Variants in ROBO2 observed in about 807,000 individuals in gnomAD.
ROBO2 encodes the protein roundabout homolog 2.
In ROBO2, 53 loss-of-function variants were observed where a neutral mutation model predicts 160.8. That is an observed-to-expected ratio of 0.33 (90% CI 0.26 to 0.41). The LOEUF (loss-of-function observed/expected upper bound fraction) is 0.41. Ranked by LOEUF, ROBO2 falls within the 10% of genes least tolerant of loss-of-function variation. The pLI is 1.00. For synonymous variants in ROBO2, 664 were observed against 611.7 expected (o/e 1.09, Z -1.26); for missense variants, 1,577 against 1,722.4 (o/e 0.92, Z 1.49).
chr3:76,978,603 A>G (rs1331383242), intron 2 of ROBO2, among the ~76,000 whole-genome samples: 1 of 152,166 alleles, frequency 6.6e-6, no homozygotes, highest in African/African-American at 2.4e-5. Context: ...CTTAAAAATG[A>G]AAGCAGTATT....
At chr3:75,973,998 C>T (rs2065067277) in intron 2 of ROBO2, among the ~76,000 whole-genome samples, 1 of 151,160 alleles carries the variant, frequency 6.6e-6, no homozygotes, top group Admixed American at 6.6e-5. Context: ...GGTTACATAA[C>T]ACGAGAATAA....
intron 2 of ROBO2, among the ~76,000 whole-genome samples, chr3:76,605,670 A>G (rs1044959906): frequency 6.6e-6 from 1 of 152,142 alleles, no homozygotes; most frequent in African/African-American, 2.4e-5. Context: ...GGGATAATAG[A>G]TTTGTAAATC....
intron 2 of ROBO2, among the ~76,000 whole-genome samples, chr3:77,021,732 G>A (rs954447294): frequency 2.6e-5 from 4 of 152,146 alleles, no homozygotes. Context: ...CCTATGAATG[G>A]ATTAATGCTG....
intron 2 of ROBO2, among the ~76,000 whole-genome samples, chr3:76,308,355 T>C (rs34373058): frequency 0.11 from 13,278 of 119,326 alleles, 973 homozygotes; most frequent in African/African-American, 0.24. Context: ...CCAGCCTGGG[T>C]GACAGCGTGA....
intron 2 of ROBO2, among the ~76,000 whole-genome samples, chr3:76,331,448 A>C (rs1292481088): frequency 6.6e-6 from 1 of 152,094 alleles, no homozygotes; most frequent in South Asian, 2.1e-4. Flanking sequence ...CATTCCCATT[A>C]AATCTAATCT....
intron 2 of ROBO2, among the ~76,000 whole-genome samples, chr3:77,100,899 GA>G (rs1315877986): frequency 1.3e-5 from 2 of 152,156 alleles, no homozygotes; most frequent in African/African-American, 4.8e-5. Flanking sequence ...GGTCATTTAA[GA>G]ATGTCCCAGG....
chr3:77,518,166 A>G (rs186333863), intron 5 of ROBO2, among the ~76,000 whole-genome samples: 64 of 151,588 alleles, frequency 4.2e-4, no homozygotes, highest in Admixed American at 1.3e-3. Flanking sequence ...AGATCTTCTA[A>G]TAGAGATGTT....
chr3:77,349,139 A>G (rs1255132962), intron 2 of ROBO2, among the ~76,000 whole-genome samples: 1 of 152,168 alleles, frequency 6.6e-6, no homozygotes, highest in Non-Finnish European at 1.5e-5. Flanking sequence ...AGAGCCTTGA[A>G]TATAATAGGT....
intron 2 of ROBO2, among the ~76,000 whole-genome samples, chr3:76,129,449 T>A (rs1354001602): frequency 6.6e-6 from 1 of 152,148 alleles, no homozygotes; most frequent in Non-Finnish European, 1.5e-5. Context: ...TCTCCTAGAA[T>A]TTAACTCCAA....
Position 77,218,816 on chromosome 3 carries a change from T to C in ROBO2, c.388+120476T>C, listed in dbSNP as rs778102919. Among the ~76,000 whole-genome samples the C allele has an allele frequency of 7.2e-5, 11 of 152,352 alleles. No individual in the cohort carries two copies. The South Asian group carries it at 1.7e-3, about 23-fold the overall frequency. ...GACTTTTCCTTTACAATGGAAGTGCTACAGTATCAAGAGCTGCACATTTTC... is the reference window on the plus strand; with the variant it reads ...GACTTTTCCTTTACAATGGAAGTGCCACAGTATCAAGAGCTGCACATTTTC... On this transcript the variant is annotated intron_variant, in intron 2 of 25. Transcript: ENST00000461745.
chr3:76,416,763 C>T (rs1288303644), intron 2 of ROBO2, among the ~76,000 whole-genome samples: 1 of 152,112 alleles, frequency 6.6e-6, no homozygotes, highest in Non-Finnish European at 1.5e-5. Context: ...CTGCTAATAT[C>T]TCTCTCATCA....
chr3:77,390,358 T>A (rs1183616029), intron 2 of ROBO2, among the ~76,000 whole-genome samples: 1 of 152,194 alleles, frequency 6.6e-6, no homozygotes, highest in Admixed American at 6.5e-5. Flanking sequence ...AATCTCATCT[T>A]GAACTGTAGC....
chr3:76,228,859 A>G (rs1285598869), intron 2 of ROBO2, among the ~76,000 whole-genome samples: 1 of 152,140 alleles, frequency 6.6e-6, no homozygotes, highest in Non-Finnish European at 1.5e-5. Flanking sequence ...ATATCCTTAA[A>G]AAATTAGTGG....
chr3:76,520,500 G>T (rs1298585573), intron 2 of ROBO2, among the ~76,000 whole-genome samples: 1 of 152,140 alleles, frequency 6.6e-6, no homozygotes, highest in Non-Finnish European at 1.5e-5. Context: ...ATCCTATAAA[G>T]AGTAGTGGGC....
chr3:76,360,506 A>G (rs1236346369), intron 2 of ROBO2, among the ~76,000 whole-genome samples: 1 of 152,160 alleles, frequency 6.6e-6, no homozygotes, highest in Non-Finnish European at 1.5e-5. Flanking sequence ...CCTATAACAA[A>G]GAAGTTAATG....
At chr3:77,491,295 A>C (rs1458478659) in intron 4 of ROBO2, among the ~76,000 whole-genome samples, 1 of 152,182 alleles carries the variant, frequency 6.6e-6, no homozygotes, top group African/African-American at 2.4e-5. Context: ...CTAAAATCAA[A>C]GGGAACAGGA....
intron 2 of ROBO2, among the ~76,000 whole-genome samples, chr3:76,976,575 T>C (rs934269748): frequency 6.6e-6 from 1 of 152,200 alleles, no homozygotes; most frequent in Non-Finnish European, 1.5e-5. Flanking sequence ...TGACATTTTA[T>C]AACAATTGGT....
At chr3:76,440,027 TAAG>T (rs370026286) in intron 2 of ROBO2, among the ~76,000 whole-genome samples, 68 of 152,212 alleles carry the variant, frequency 4.5e-4, no homozygotes, top group Admixed American at 1.4e-3. Context: ...TCCTTCTCCT[TAAG>T]AAGAAGTGGG....
At chr3:77,001,983 TA>T (rs1355007305) in intron 2 of ROBO2, among the ~76,000 whole-genome samples, 1 of 152,146 alleles carries the variant, frequency 6.6e-6, no homozygotes, top group Non-Finnish European at 1.5e-5. Context: ...GAGTAATTTT[TA>T]AATAAAAGCA....
Sources: allele counts gnomAD v4.1 joint callset (sites outside exome capture counted in the v4.1 genomes callset), GRCh38; gene constraint gnomAD v4.1.1; transcripts MANE v1.5; gene names NCBI Gene and HGNC (gene_info 2026-07-23, HGNC 2026-07-21).